REDIC1: variants seen among roughly 807,000 people sequenced by gnomAD.
The protein encoded by REDIC1 is regulator of DNA class I crossover intermediates 1, also known as HEI10 Interacting Protein 1.
At chr12:39,784,306 G>A in the REDIC1 span, among the ~76,000 whole-genome samples, 31 of 152,184 alleles carry the variant, frequency 2.0e-4, 1 homozygote, top group Middle Eastern at 3.4e-3. Context: ...GAGGCATCAC[G>A]CTACCTGACT....
the REDIC1 span, among the ~76,000 whole-genome samples, chr12:39,898,307 C>T: frequency 5.3e-5 from 8 of 152,016 alleles, no homozygotes; most frequent in African/African-American, 1.7e-4. Flanking sequence ...GCCTTATACA[C>T]CCACATGCCC....
the REDIC1 span, among the ~76,000 whole-genome samples, chr12:39,797,036 T>C: frequency 1.3e-5 from 2 of 152,230 alleles, no homozygotes; most frequent in African/African-American, 2.4e-5. Context: ...TTAAAAAACT[T>C]ATAATTACCT....
chr12:39,881,537 A>T, the REDIC1 span, among the ~76,000 whole-genome samples: 1 of 152,168 alleles, frequency 6.6e-6, no homozygotes, highest in Non-Finnish European at 1.5e-5. Flanking sequence ...AACAAGAAGG[A>T]GTCTAAGATT....
the REDIC1 span, among the ~76,000 whole-genome samples, chr12:39,734,315 A>G: frequency 6.6e-6 from 1 of 152,166 alleles, no homozygotes; most frequent in Admixed American, 6.5e-5. Context: ...TTCTGCATTG[A>G]TCTCACTGGG....
chr12:39,646,929 T>A, the REDIC1 span: 1 of 1,294,320 alleles, frequency 7.7e-7, no homozygotes, highest in Non-Finnish European at 1.1e-6. Flanking sequence ...TTTCAGCAAT[T>A]GTGATATGCT....
chr12:39,772,230 T>C, the REDIC1 span, among the ~76,000 whole-genome samples: 3 of 152,284 alleles, frequency 2.0e-5, no homozygotes, highest in Admixed American at 2.0e-4. Context: ...AGTTTGTATC[T>C]CAGTTCTCTC....
chr12:39,833,992 G>A, the REDIC1 span, among the ~76,000 whole-genome samples: 41 of 151,620 alleles, frequency 2.7e-4, no homozygotes, highest in African/African-American at 9.9e-4. Flanking sequence ...CAGAGGCCAA[G>A]AAGAATCTGA....
chr12:39,651,295 G>A, the REDIC1 span, among the ~76,000 whole-genome samples: 1 of 152,098 alleles, frequency 6.6e-6, no homozygotes, highest in African/African-American at 2.4e-5. Context: ...TTGACTGTGG[G>A]TTATAGACCG....
the REDIC1 span, among the ~76,000 whole-genome samples, chr12:39,705,590 G>C: frequency 6.6e-6 from 1 of 152,046 alleles, no homozygotes; most frequent in African/African-American, 2.4e-5. Flanking sequence ...GGATTCAACA[G>C]TATATTTAAA....
chr12:39,870,524 T>C, the REDIC1 span, among the ~76,000 whole-genome samples: 1 of 152,238 alleles, frequency 6.6e-6, no homozygotes, highest in African/African-American at 2.4e-5. Context: ...TAAAATAAAA[T>C]ACCTGGTAGG....
the REDIC1 span, among the ~76,000 whole-genome samples, chr12:39,865,384 G>A: frequency 1.3e-5 from 2 of 152,152 alleles, no homozygotes; most frequent in South Asian, 2.1e-4. Context: ...AGTTGAAAGA[G>A]CATGTTTTAT....
the REDIC1 span, chr12:39,650,464 T>G: frequency 7.3e-7 from 1 of 1,363,988 alleles, no homozygotes; most frequent in Non-Finnish European, 9.6e-7. The surrounding 1 kb of genome is among the most constrained non-coding windows in gnomAD (Gnocchi z 4.3). Context: ...TAAACAGTCC[T>G]AAGTAATACT....
At chr12:39,834,142 A>G in the REDIC1 span, among the ~76,000 whole-genome samples, 20 of 152,076 alleles carry the variant, frequency 1.3e-4, no homozygotes, top group Non-Finnish European at 2.8e-4. Flanking sequence ...AGGCTGTGTC[A>G]CATAAAACTT....
chr12:39,752,354 T>C, the REDIC1 span, among the ~76,000 whole-genome samples: 1 of 152,110 alleles, frequency 6.6e-6, no homozygotes, highest in African/African-American at 2.4e-5. Context: ...GTGCAGTCCT[T>C]ATGAGAATTG....
the REDIC1 span, among the ~76,000 whole-genome samples, chr12:39,711,596 T>G: frequency 7.9e-6 from 1 of 125,902 alleles, no homozygotes; most frequent in Non-Finnish European, 1.7e-5. Context: ...TGTGTATATG[T>G]GTATACACAT....
At chr12:39,844,665 G>C in the REDIC1 span, among the ~76,000 whole-genome samples, 2 of 152,026 alleles carry the variant, frequency 1.3e-5, no homozygotes, top group Non-Finnish European at 2.9e-5. Flanking sequence ...TGGATTTATA[G>C]TCATACACTC....
At chr12:39,830,622 T>C in the REDIC1 span, 1 of 279,176 alleles carries the variant, frequency 3.6e-6, no homozygotes, top group Non-Finnish European at 5.5e-6. Flanking sequence ...CATTCATTTC[T>C]CTCAATTGTC....
At chr12:39,896,844 C>A in the REDIC1 span, among the ~76,000 whole-genome samples, 1 of 152,030 alleles carries the variant, frequency 6.6e-6, no homozygotes, top group Non-Finnish European at 1.5e-5. Context: ...AAAATATGTA[C>A]AATTTTTATA....
At chr12:39,694,378 T>C in the REDIC1 span, among the ~76,000 whole-genome samples, 2 of 152,208 alleles carry the variant, frequency 1.3e-5, no homozygotes, top group East Asian at 3.9e-4. Context: ...GACGCCACCC[T>C]TCCTCCATTC....
Sources: allele counts gnomAD v4.1 joint callset (sites outside exome capture counted in the v4.1 genomes callset), GRCh38; gene constraint gnomAD v4.1.1; non-coding constraint Gnocchi (gnomAD v3.1); transcripts MANE v1.5; gene names NCBI Gene and HGNC (gene_info 2026-07-23, HGNC 2026-07-21).